Variants in ALG6 observed in about 807,000 individuals in gnomAD.
The protein encoded by ALG6 is dolichyl pyrophosphate Man9GlcNAc2 alpha-1,3-glucosyltransferase.
ALG6 carries 46 observed loss-of-function variants against 66.6 expected under a neutral mutation model. The ratio of observed to expected loss-of-function variants is 0.69; its 90% CI spans 0.55 to 0.88. The LOEUF (loss-of-function observed/expected upper bound fraction) is 0.88. Among genes scored for constraint, ALG6 ranks in the 40% least tolerant of loss-of-function variants. The probability of loss-of-function intolerance (pLI) is 0.00; values close to 1 mark genes in which losing one functional copy is unlikely to be tolerated. For synonymous variants in ALG6, 185 were observed against 203.7 expected (o/e 0.91, Z 0.78); for missense variants, 505 against 586.8 (o/e 0.86, Z 1.44).
intron 11 of ALG6, among the ~76,000 whole-genome samples, chr1:63,418,573 A>G (rs1644556925): frequency 6.6e-6 from 1 of 152,124 alleles, no homozygotes; most frequent in East Asian, 1.9e-4. Flanking sequence ...TTTTCTAAGT[A>G]TAATAGGAAG....
At chr1:63,436,713 C>A in intron 14 of ALG6, 110 bp from the exon 15 acceptor site, 4 of 1,006,060 alleles carry the variant, frequency 4.0e-6, no homozygotes, top group South Asian at 4.0e-5. Context: ...ATAAATTAGA[C>A]CCTCAACCCT....
chr1:63,373,032 GGT>G (rs1424314733), intron 2 of ALG6, among the ~76,000 whole-genome samples: 1 of 151,314 alleles, frequency 6.6e-6, no homozygotes, highest in Non-Finnish European at 1.5e-5. Flanking sequence ...TTGGAGACAG[GGT>G]TTCACTTTCA....
At chr1:63,411,393 T>G in intron 8 of ALG6, 62 bp downstream of exon 8, 1 of 1,458,624 alleles carries the variant, frequency 6.9e-7, no homozygotes, top group Non-Finnish European at 9.5e-7. Context: ...TTGGCATACT[T>G]ACTTGCAGTA....
intron 2 of ALG6, among the ~76,000 whole-genome samples, chr1:63,393,579 G>A (rs1331537347): frequency 6.6e-6 from 1 of 152,220 alleles, no homozygotes; most frequent in African/African-American, 2.4e-5. Context: ...ATGCTTGAAG[G>A]TTGGATATGA....
At chr1:63,390,721 T>C (rs1461303263) in intron 2 of ALG6, among the ~76,000 whole-genome samples, 1 of 152,108 alleles carries the variant, frequency 6.6e-6, no homozygotes, top group African/African-American at 2.4e-5. Context: ...GCCTAAATGC[T>C]CCCTCCATAG....
intron 12 of ALG6, among the ~76,000 whole-genome samples, chr1:63,423,775 G>T (rs1644600296): frequency 6.6e-6 from 1 of 152,190 alleles, no homozygotes; most frequent in Non-Finnish European, 1.5e-5. Context: ...TGTTTTGGCT[G>T]TTGTGAATAG....
intron 7 of ALG6, among the ~76,000 whole-genome samples, chr1:63,409,713 C>G (rs1333141424): frequency 6.6e-6 from 1 of 151,770 alleles, no homozygotes; most frequent in Non-Finnish European, 1.5e-5. Flanking sequence ...TTTATTTTAT[C>G]CTAGTGTATC....
intron 12 of ALG6, among the ~76,000 whole-genome samples, chr1:63,427,787 CTTT>C (rs540658412): frequency 1.8e-5 from 2 of 109,968 alleles, no homozygotes; most frequent in Admixed American, 9.3e-5. Flanking sequence ...CCCTAAACAA[CTTT>C]TTTTTTTTTT....
chr1:63,399,507 C>G (rs1328724572), intron 3 of ALG6, among the ~76,000 whole-genome samples: 1 of 152,112 alleles, frequency 6.6e-6, no homozygotes, highest in Non-Finnish European at 1.5e-5. Flanking sequence ...AATCATTTTC[C>G]TCATGTGTGT....
At chr1:63,394,590 G>C (rs2064439) in intron 2 of ALG6, among the ~76,000 whole-genome samples, 3 of 151,956 alleles carry the variant, frequency 2.0e-5, no homozygotes, top group Non-Finnish European at 4.4e-5. Flanking sequence ...AGATGGTCTC[G>C]ATCTCTTGAC....
chr1:63,369,898 A>G (rs1271167241), intron 1 of ALG6, among the ~76,000 whole-genome samples: 1 of 151,850 alleles, frequency 6.6e-6, no homozygotes, highest in Admixed American at 6.6e-5. Flanking sequence ...GGCTCACTGC[A>G]ACCTTCACCT....
chr1:63,419,565 TC>T, intron 12 of ALG6, 125 bp downstream of exon 12: 1 of 736,964 alleles, frequency 1.4e-6, no homozygotes, highest in South Asian at 2.5e-5. Flanking sequence ...TAAAATGATT[TC>T]ATAGTCAGGT....
chr1:63,423,308 G>A (rs1644598142), intron 12 of ALG6, among the ~76,000 whole-genome samples: 1 of 152,138 alleles, frequency 6.6e-6, no homozygotes, highest in Admixed American at 6.5e-5. Flanking sequence ...ACAGGCATGA[G>A]CCACTGCGCC....
chr1:63,385,948 G>T (rs1204476947), intron 2 of ALG6, among the ~76,000 whole-genome samples: 1 of 152,068 alleles, frequency 6.6e-6, no homozygotes, highest in African/African-American at 2.4e-5. Context: ...ACTAGCTGTG[G>T]GTCTGTCATG....
chr1:63,378,971 T>G (rs1648219600), intron 2 of ALG6, among the ~76,000 whole-genome samples: 1 of 152,032 alleles, frequency 6.6e-6, no homozygotes, highest in Admixed American at 6.6e-5. Flanking sequence ...TTTCTGATAG[T>G]CTCTTGTTCC....
intron 2 of ALG6, among the ~76,000 whole-genome samples, chr1:63,392,074 A>G (rs1237273638): frequency 6.6e-6 from 1 of 152,188 alleles, no homozygotes; most frequent in Non-Finnish European, 1.5e-5. Context: ...GTAGAGAATC[A>G]GTTTTTGTAG....
At chr1:63,419,873 G>A (rs1264327389) in intron 12 of ALG6, among the ~76,000 whole-genome samples, 1 of 151,956 alleles carries the variant, frequency 6.6e-6, no homozygotes, top group Non-Finnish European at 1.5e-5. Flanking sequence ...CTTAGTTTAG[G>A]CCCTATTGGC....
At chr1:63,414,206 T>A (rs1320338189) in intron 10 of ALG6, 60 bp downstream of exon 10, 1 of 1,249,552 alleles carries the variant, frequency 8.0e-7, no homozygotes, top group Non-Finnish European at 1.2e-6. Flanking sequence ...AGCATTATGG[T>A]ATTATTTCAT....
chr1:63,383,657 CATTT>C (rs1005746335), intron 2 of ALG6, among the ~76,000 whole-genome samples: 2 of 152,110 alleles, frequency 1.3e-5, no homozygotes, highest in African/African-American at 4.8e-5. Context: ...TTACCTCAAG[CATTT>C]ATTCTTTGTA....
Sources: gnomAD v4.1 joint callset for allele counts (sites outside exome capture counted in the v4.1 genomes callset) on GRCh38, gnomAD v4.1.1 for gene constraint, MANE v1.5 for transcripts, NCBI Gene and HGNC (gene_info 2026-07-23, HGNC 2026-07-21) for gene names.